NDUFS4: variants seen among roughly 807,000 people sequenced by gnomAD.
NDUFS4 encodes NADH:ubiquinone oxidoreductase subunit S4.
NDUFS4 carries 28 observed loss-of-function variants against 24.3 expected under a neutral mutation model. That is an observed-to-expected ratio of 1.15 (90% confidence interval 0.85 to 1.58). The LOEUF is 1.58. NDUFS4 is among the 40% of genes most tolerant of loss of function. The pLI is 0.00. For synonymous variants in NDUFS4, 93 were observed against 69.7 expected (o/e 1.34, Z -1.67); for missense variants, 223 against 207.9 (o/e 1.07, Z -0.45).
intron 1 of NDUFS4, among the ~76,000 whole-genome samples, chr5:53,575,875 A>G (rs747123875): frequency 7.2e-5 from 11 of 152,082 alleles, no homozygotes; most frequent in South Asian, 4.1e-4. Context: ...TTGATTCTCA[A>G]CTGTGGTGGG....
chr5:53,646,475 A>AT, intron 3 of NDUFS4, 70 bp downstream of exon 3: 1 of 1,509,550 alleles, frequency 6.6e-7, no homozygotes. Flanking sequence ...TCTAAATATG[A>AT]TTTTCAAACT....
At chr5:53,563,356 A>G (rs1748919145) in intron 1 of NDUFS4, among the ~76,000 whole-genome samples, 1 of 152,082 alleles carries the variant, frequency 6.6e-6, no homozygotes. Context: ...ACATACACAC[A>G]AGAGAGAAAA....
intron 3 of NDUFS4, among the ~76,000 whole-genome samples, chr5:53,652,487 A>G (rs1416622368): frequency 2.0e-5 from 3 of 152,194 alleles, no homozygotes; most frequent in African/African-American, 7.2e-5. Flanking sequence ...AAGGATCCTC[A>G]TTGTGAAAAT....
At chr5:53,573,638 G>T (rs550119176) in intron 1 of NDUFS4, 24 of 448,178 alleles carry the variant, frequency 5.4e-5, no homozygotes, top group Middle Eastern at 6.9e-4. Context: ...ATCCAGGCTG[G>T]AGTGCAGTGG....
chr5:53,610,894 C>T (rs948258959), intron 2 of NDUFS4, among the ~76,000 whole-genome samples: 1 of 152,032 alleles, frequency 6.6e-6, no homozygotes, highest in Non-Finnish European at 1.5e-5. Context: ...TTTTAATCAT[C>T]GCAGTTCTAG....
chr5:53,655,912 A>G (rs888689248), intron 3 of NDUFS4, among the ~76,000 whole-genome samples: 3 of 152,168 alleles, frequency 2.0e-5, no homozygotes, highest in Admixed American at 6.5e-5. Flanking sequence ...CCCCTGTAAC[A>G]GGCAGCTGCT....
chr5:53,651,138 A>G (rs1004668130), intron 3 of NDUFS4, among the ~76,000 whole-genome samples: 2 of 152,126 alleles, frequency 1.3e-5, no homozygotes, highest in Admixed American at 6.5e-5. Context: ...ACATTCATTA[A>G]TTCTTTTTGT....
chr5:53,648,566 T>G (rs1751927075), intron 3 of NDUFS4, among the ~76,000 whole-genome samples: 4 of 152,230 alleles, frequency 2.6e-5, no homozygotes, highest in Admixed American at 2.6e-4. Flanking sequence ...AAGAGATTCC[T>G]GGTGGTGCCT....
chr5:53,597,851 G>C (rs256083), intron 1 of NDUFS4, among the ~76,000 whole-genome samples: 1 of 152,050 alleles, frequency 6.6e-6, no homozygotes, highest in East Asian at 1.9e-4. Flanking sequence ...TGCAAAACAC[G>C]TATCTCATAA....
chr5:53,660,645 A>T (rs900534095), intron 4 of NDUFS4, among the ~76,000 whole-genome samples: 1 of 152,068 alleles, frequency 6.6e-6, no homozygotes, highest in Admixed American at 6.6e-5. Flanking sequence ...TTTTCTCCAC[A>T]TCCTCTCCAG....
intron 1 of NDUFS4, among the ~76,000 whole-genome samples, chr5:53,561,113 C>T (rs1395280971): frequency 2.0e-5 from 3 of 152,146 alleles, no homozygotes; most frequent in African/African-American, 7.2e-5. Flanking sequence ...CTTTCTGCAT[C>T]CCTTCCATTT....
intron 2 of NDUFS4, among the ~76,000 whole-genome samples, chr5:53,620,696 T>C (rs1241556378): frequency 6.6e-6 from 1 of 152,218 alleles, no homozygotes; most frequent in Non-Finnish European, 1.5e-5. Flanking sequence ...TTATAAAGCC[T>C]TTCCAAAACA....
At chr5:53,568,364 G>A (rs1749106683) in intron 1 of NDUFS4, among the ~76,000 whole-genome samples, 1 of 152,042 alleles carries the variant, frequency 6.6e-6, no homozygotes, top group Non-Finnish European at 1.5e-5. Flanking sequence ...CTAATGGGAA[G>A]CTAGGGCTGA....
intron 1 of NDUFS4, among the ~76,000 whole-genome samples, chr5:53,580,380 A>G (rs182802772): frequency 1.8e-3 from 274 of 152,378 alleles, no homozygotes; most frequent in Non-Finnish European, 2.7e-3. Flanking sequence ...CTGGCTTATT[A>G]AGAGATAGTA....
intron 1 of NDUFS4, among the ~76,000 whole-genome samples, chr5:53,579,446 A>C (rs569080934): frequency 6.6e-6 from 1 of 152,196 alleles, no homozygotes. Context: ...CCACCCACCA[A>C]ATATGTTCAT....
intron 2 of NDUFS4, among the ~76,000 whole-genome samples, chr5:53,616,522 A>G (rs1174247032): frequency 6.6e-6 from 1 of 152,108 alleles, no homozygotes; most frequent in Non-Finnish European, 1.5e-5. Flanking sequence ...CTGTGTGAGT[A>G]TCTAAGGTAA....
intron 2 of NDUFS4, among the ~76,000 whole-genome samples, chr5:53,643,590 A>G (rs1751763272): frequency 6.6e-6 from 1 of 152,144 alleles, no homozygotes. Context: ...ATGTGCTTAA[A>G]GAACAGGTTC....
At chr5:53,579,993 C>T (rs1005424567) in intron 1 of NDUFS4, among the ~76,000 whole-genome samples, 11 of 152,108 alleles carry the variant, frequency 7.2e-5, no homozygotes, top group Admixed American at 2.0e-4. Context: ...TTGATATTAG[C>T]CCTGTGAGAC....
chr5:53,670,468 AG>A (rs1286191318), intron 4 of NDUFS4, among the ~76,000 whole-genome samples: 1 of 152,044 alleles, frequency 6.6e-6, no homozygotes, highest in Non-Finnish European at 1.5e-5. Context: ...TATTACATGA[AG>A]TGATAACCTA....
Sources: allele counts gnomAD v4.1 joint callset (sites outside exome capture counted in the v4.1 genomes callset), GRCh38; gene constraint gnomAD v4.1.1; transcripts MANE v1.5; gene names NCBI Gene and HGNC (gene_info 2026-07-23, HGNC 2026-07-21).